Variants in DAPK1 observed in about 807,000 individuals in gnomAD.
DAPK1 encodes the protein death associated protein kinase 1, also known as death-associated protein kinase 1.
Under a neutral mutation model 144.9 loss-of-function variants are expected in DAPK1, and 56 were observed. The observed-to-expected ratio is 0.39, with a 90% CI of 0.31 to 0.48. The LOEUF (loss-of-function observed/expected upper bound fraction) is 0.48. Ranked by LOEUF, DAPK1 falls within the 20% of genes least tolerant of loss-of-function variation. The pLI is 0.95. For missense variants in DAPK1, 1,454 were observed against 1,875.4 expected, an observed-to-expected ratio of 0.78 and a Z score of 4.15; for synonymous variants, 690 against 749.0, an observed-to-expected ratio of 0.92 and a Z score of 1.29.
chr9:87,664,925 C>G (rs1296656132), intron 18 of DAPK1, among the ~76,000 whole-genome samples: 1 of 152,188 alleles, frequency 6.6e-6, no homozygotes, highest in Non-Finnish European at 1.5e-5. Flanking sequence ...CCTTGATGTT[C>G]TTCAAAAGTG....
At position 87,708,156 on chromosome 9, in the gene DAPK1, G is replaced by T; in HGVS notation, c.*792G>T. 4.0e-6 allele frequency: 1 copy of T among 251,058 alleles called. No homozygotes were observed. The highest frequency in any genetic ancestry group is 7.9e-6 in the Non-Finnish European group (1 of 127,070). 15.6% of individuals were successfully genotyped at this position (251,058 alleles called of 1,614,324 possible). On this transcript the variant is annotated 3_prime_UTR_variant, in exon 26 of 26. Coordinates refer to ENST00000408954, the MANE Select transcript of DAPK1 (RefSeq NM_004938.4). ...TTTTTCCGTTTGCTTTTGTTCCAAT[G>T]TCAATGTGAACGTCCACATGAAACC...
intron 19 of DAPK1, among the ~76,000 whole-genome samples, chr9:87,669,346 G>C (rs541087116): frequency 2.8e-4 from 21 of 74,294 alleles, no homozygotes; most frequent in African/African-American, 1.3e-3. Context: ...CTTGGGGTGG[G>C]GGGGGGTCAC....
intron 25 of DAPK1, among the ~76,000 whole-genome samples, chr9:87,704,537 C>A (rs1825567466): frequency 6.6e-6 from 1 of 152,166 alleles, no homozygotes; most frequent in African/African-American, 2.4e-5. Context: ...CCCCAGTGGC[C>A]CTTCTGACTC....
chr9:87,614,004 G>A (rs980099683), intron 3 of DAPK1, among the ~76,000 whole-genome samples: 1 of 152,220 alleles, frequency 6.6e-6, no homozygotes, highest in Non-Finnish European at 1.5e-5. Flanking sequence ...GAGCAGAGAA[G>A]TAAAGTGCAT....
chr9:87,681,592 G>A lies in DAPK1; in HGVS notation c.2190G>A (p.Arg730=). The A allele has an allele frequency of 6.2e-7, 1 of 1,608,458 alleles. No individual in the cohort carries two copies. Among genetic ancestry groups the A allele is most frequent in the Non-Finnish European group, 8.5e-7 (1 of 1,174,804 alleles). The change falls in exon 20 of 26, where the codon AGG becomes AGA. Residue 730 remains arginine, a synonymous_variant. Transcript: ENST00000408954. ...GACTGTCTTCCACCAACTCCAGCAG[G>A]TTCCCACCTTCACCCCTGGCTTCTA... The part of the protein sequence containing the change: ...RPRLSSTNSS[R]FPPSPLASKP...
At chr9:87,682,951 T>G (rs1452346522) in intron 20 of DAPK1, among the ~76,000 whole-genome samples, 1 of 152,146 alleles carries the variant, frequency 6.6e-6, no homozygotes, top group Non-Finnish European at 1.5e-5. Flanking sequence ...TTTTTTGTTT[T>G]TTGTCTTTGC....
intron 2 of DAPK1, among the ~76,000 whole-genome samples, chr9:87,590,313 T>A (rs750527754): frequency 8.6e-5 from 13 of 151,164 alleles, no homozygotes; most frequent in Non-Finnish European, 1.5e-5. Flanking sequence ...CTTCAAGCTT[T>A]GGTTCCACCT....
intron 22 of DAPK1, among the ~76,000 whole-genome samples, 153 bp downstream of exon 22, chr9:87,697,357 G>A (rs1405804179): frequency 6.6e-6 from 1 of 152,224 alleles, no homozygotes; most frequent in Non-Finnish European, 1.5e-5. Flanking sequence ...TAACAGCTGA[G>A]CCAACTTCCT....
chr9:87,607,883 G>C (rs1828789461), intron 3 of DAPK1, among the ~76,000 whole-genome samples: 1 of 152,180 alleles, frequency 6.6e-6, no homozygotes, highest in Non-Finnish European at 1.5e-5. Context: ...TGGGTAATTT[G>C]TGAAGAAAAG....
chr9:87,707,069 A>G lies in DAPK1; in HGVS notation c.3998A>G (p.Asn1333Ser), dbSNP rs1010855271. 4.3e-6 allele frequency: 7 copies of G among 1,613,894 alleles called. No individual in the cohort carries two copies. In the African/African-American group the frequency reaches 6.7e-5, roughly 15 times the overall value. Reference sequence around the variant, plus strand: ...AAGGACTGGTGCCTTCTCGCCATGAACTTAGGCCTCCCTGACCTCGTGGCA... The same window carrying G: ...AAGGACTGGTGCCTTCTCGCCATGAGCTTAGGCCTCCCTGACCTCGTGGCA... ...LGKDWCLLAM[N>S]LGLPDLVAKY... Residue 1333 changes from asparagine (N) to serine (S), a missense_variant, in exon 26 of 26, where the codon AAC (asparagine) becomes AGC (serine). This residue lies in a region of DAPK1 where 1,025 missense variants were observed against 1,237.9 expected (regional missense o/e 0.83). Coordinates refer to ENST00000408954, the MANE Select transcript of DAPK1 (RefSeq NM_004938.4). This position sits in a 1 kb window ranked among gnomAD's most constrained non-coding sequence, Gnocchi z 4.0.
rs370599083 is a variant in DAPK1, at chr9:87,650,129, G to A, written c.1626+11G>A. 4 of 1,613,718 alleles carry A rather than the reference G, an allele frequency of 2.5e-6. No homozygotes were observed. The highest frequency in any genetic ancestry group is 2.2e-5 in the South Asian group (2 of 91,056). Reference sequence around the variant, plus strand: ...AATGCTTGCGACAAGGTGCCTTATGGGGGAAGACTCATATGCACTGGGAAG... The same window carrying A: ...AATGCTTGCGACAAGGTGCCTTATGAGGGAAGACTCATATGCACTGGGAAG... On this transcript the variant is annotated intron_variant, in intron 16 of 25. Coordinates refer to ENST00000408954, the MANE Select transcript of DAPK1 (RefSeq NM_004938.4).
At chr9:87,650,411 G>A (rs143351373) in intron 16 of DAPK1, 13 of 333,884 alleles carry the variant, frequency 3.9e-5, no homozygotes, top group East Asian at 3.0e-4. Flanking sequence ...CACTGAATCC[G>A]AGACAATTCT....
chr9:87,548,194 G>A (rs1356852088), intron 2 of DAPK1, among the ~76,000 whole-genome samples: 4 of 152,232 alleles, frequency 2.6e-5, no homozygotes, highest in Admixed American at 2.0e-4. Flanking sequence ...GGCAGAGGCT[G>A]TGTGCTTCAC....
chr9:87,637,882 G>T, intron 3 of DAPK1, 61 bp from the exon 4 acceptor site: 1 of 1,575,042 alleles, frequency 6.3e-7, no homozygotes. Context: ...AATAGTCTAT[G>T]AGAGAAGGAA....
intron 8 of DAPK1, 103 bp from the exon 9 acceptor site, chr9:87,640,699 A>C (rs996779248): frequency 1.5e-6 from 2 of 1,303,548 alleles, no homozygotes; most frequent in African/African-American, 1.5e-5. Context: ...CCTGAACTGC[A>C]TTTTCCACAG....
intron 2 of DAPK1, among the ~76,000 whole-genome samples, chr9:87,518,302 A>AT (rs1825160582): frequency 1.4e-5 from 1 of 72,246 alleles, no homozygotes; most frequent in South Asian, 4.0e-4. Context: ...TTTTTTTTGT[A>AT]TTTTTAGTAG....
chr9:87,688,707 T>C (rs1431513264), intron 21 of DAPK1, among the ~76,000 whole-genome samples: 1 of 152,248 alleles, frequency 6.6e-6, no homozygotes, highest in Non-Finnish European at 1.5e-5. Context: ...TTTTTTCATA[T>C]GTCTGTTGGC....
intron 3 of DAPK1, among the ~76,000 whole-genome samples, chr9:87,620,157 G>A (rs944238171): frequency 3.3e-5 from 5 of 152,142 alleles, no homozygotes; most frequent in East Asian, 1.9e-4. Flanking sequence ...CCAGGTGGGC[G>A]GTGGAGACCC....
At position 87,680,770 on chromosome 9, in the gene DAPK1, CA is replaced by C. The variant is rs36217789; in HGVS notation, c.2002-633del. On this transcript the variant is annotated intron_variant, in intron 19 of 25. Transcript: ENST00000408954. ...AGACAGAAAACATCTCTATGGTTGC[CA>C]GGGGCTGAGCAAAGAGGGGAATGAA... Among the ~76,000 whole-genome samples, 543 of 152,176 alleles carry C rather than the reference CA, an allele frequency of 3.6e-3. 1 individual carries two copies. Among genetic ancestry groups the C allele is most frequent in the Middle Eastern group, 6.8e-3 (2 of 294 alleles).
Sources: allele counts gnomAD v4.1 joint callset (sites outside exome capture counted in the v4.1 genomes callset), GRCh38; gene constraint gnomAD v4.1.1; regional missense constraint gnomAD v4.1.1; non-coding constraint Gnocchi (gnomAD v3.1); transcripts MANE v1.5; gene names NCBI Gene and HGNC (gene_info 2026-07-23, HGNC 2026-07-21).